OTUD7A: variants seen among roughly 807,000 people sequenced by gnomAD.
OTUD7A encodes the protein OTU deubiquitinase 7A.
In OTUD7A, 12 loss-of-function variants were observed where a neutral mutation model predicts 65.7. That is an observed-to-expected ratio of 0.18 (90% CI 0.12 to 0.30). The LOEUF is 0.30. Among genes scored for constraint, OTUD7A ranks in the 10% least tolerant of loss-of-function variants. The probability of loss-of-function intolerance (pLI) is 1.00; values close to 1 mark genes in which losing one functional copy is unlikely to be tolerated. For synonymous variants in OTUD7A, 641 were observed against 586.3 expected, an observed-to-expected ratio of 1.09 and a Z score of -1.35; for missense variants, 1,148 against 1,304.8, an observed-to-expected ratio of 0.88 and a Z score of 1.85.
At chr15:31,709,731 T>C (rs1025982827) in intron 1 of OTUD7A, among the ~76,000 whole-genome samples, 16 of 152,068 alleles carry the variant, frequency 1.1e-4, no homozygotes, top group African/African-American at 1.9e-4. Context: ...TGGTTCTATA[T>C]GCAGGCCTGC....
At position 31,532,933 on chromosome 15, in the gene OTUD7A, C is replaced by CAAAA. The variant is rs35993038; in HGVS notation, c.551-2129_551-2126dup. Among the ~76,000 whole-genome samples, 145 of 56,456 alleles carry CAAAA rather than the reference C, an allele frequency of 2.6e-3. 1 individual carries two copies. Among genetic ancestry groups the CAAAA allele is most frequent in the Non-Finnish European group, 5.9e-3 (130 of 21,898 alleles). The allele number at this position is 56,456 out of a possible 152,430, so 37.0% of individuals were successfully genotyped here. A position where few individuals can be genotyped will look rare whatever the true frequency, so the allele number is the denominator to read the frequency against. ...TGGGTGAAAGAGCGAGACTCCGTAT[C>CAAAA]AAAAAAAAAAAAAAAAAAAAAGTGT... On this transcript the variant is annotated intron_variant, in intron 5 of 12. Transcript: ENST00000307050.
intron 1 of OTUD7A, among the ~76,000 whole-genome samples, chr15:31,845,203 C>A (rs1478757978): frequency 6.6e-6 from 1 of 152,172 alleles, no homozygotes; most frequent in Non-Finnish European, 1.5e-5. Context: ...CCTCCCCAGG[C>A]ACTGGGCATC....
intron 1 of OTUD7A, among the ~76,000 whole-genome samples, chr15:31,820,373 T>G (rs1896648388): frequency 6.6e-6 from 1 of 152,236 alleles, no homozygotes; most frequent in Admixed American, 6.5e-5. Flanking sequence ...GCACTTCTCT[T>G]CAGGTTCCTT....
intron 1 of OTUD7A, among the ~76,000 whole-genome samples, chr15:31,795,176 C>G (rs565137970): frequency 6.6e-6 from 1 of 152,336 alleles, no homozygotes; most frequent in South Asian, 2.1e-4. Context: ...GTTACAGACT[C>G]AGTTCCTTTG....
Position 31,558,829 on chromosome 15 carries a change from C to T in OTUD7A, c.550+140G>A, listed in dbSNP as rs774917575. On this transcript the variant is annotated intron_variant, in intron 5 of 12. Coordinates refer to ENST00000307050, the MANE Select transcript of OTUD7A (RefSeq NM_001382637.1). ...CTGTCGGCCCGTAGAGCAGGAGGTG[C>T]GGTGCAGCATCTAGAATCCTAACTG... 16 of 870,464 alleles carry T rather than the reference C, an allele frequency of 1.8e-5. 1 individual carries two copies. Among genetic ancestry groups the T allele is most frequent in the East Asian group, 8.0e-5 (3 of 37,698 alleles). 53.9% of individuals were successfully genotyped at this position (870,464 alleles called of 1,614,324 possible).
At chr15:31,568,522 C>T (rs536919503) in intron 4 of OTUD7A, among the ~76,000 whole-genome samples, 14 of 152,318 alleles carry the variant, frequency 9.2e-5, no homozygotes, top group African/African-American at 3.4e-4. Context: ...AATGCTGGAA[C>T]AAGTCAAGAC....
chr15:31,768,882 T>C (rs547290276), intron 1 of OTUD7A, among the ~76,000 whole-genome samples: 1 of 151,502 alleles, frequency 6.6e-6, no homozygotes, highest in Admixed American at 6.6e-5. Context: ...AAAGAGAATA[T>C]AAAAACAGAA....
chr15:31,608,024 G>A (rs7176725), intron 3 of OTUD7A, among the ~76,000 whole-genome samples: 12,281 of 152,212 alleles, frequency 0.081, 1,191 homozygotes, highest in African/African-American at 0.24. Flanking sequence ...TGAGGCAGGC[G>A]GATCATGAGG....
Position 31,645,994 on chromosome 15 carries a change from C to T in OTUD7A, c.151+9102G>A, listed in dbSNP as rs558866897. Among the ~76,000 whole-genome samples, 9 of 152,338 alleles carry T rather than the reference C, an allele frequency of 5.9e-5. No homozygotes were observed. In the South Asian group the frequency reaches 6.2e-4, roughly 11 times the overall value. ...GGCTTAAGTGGGAGTTCTTAATATGCAGCAGCCTCCTCTTTCCTGCCTAAT... is the reference window on the plus strand; with the variant it reads ...GGCTTAAGTGGGAGTTCTTAATATGTAGCAGCCTCCTCTTTCCTGCCTAAT... On this transcript the variant is annotated intron_variant, in intron 3 of 12. Coordinates refer to ENST00000307050, the MANE Select transcript of OTUD7A (RefSeq NM_001382637.1).
chr15:31,610,722 C>T (rs1310709308), intron 3 of OTUD7A, among the ~76,000 whole-genome samples: 8 of 143,168 alleles, frequency 5.6e-5, no homozygotes, highest in South Asian at 4.5e-4. Flanking sequence ...CCCAGGTTCA[C>T]GCCATTCTCC....
chr15:31,810,119 G>A (rs189300577), intron 1 of OTUD7A, among the ~76,000 whole-genome samples: 22 of 152,316 alleles, frequency 1.4e-4, no homozygotes, highest in African/African-American at 5.3e-4. Flanking sequence ...CAGGCAGCTG[G>A]AGAAGGGCAG....
At chr15:31,829,361 C>T (rs1258556713) in intron 1 of OTUD7A, among the ~76,000 whole-genome samples, 1 of 152,192 alleles carries the variant, frequency 6.6e-6, no homozygotes, top group Non-Finnish European at 1.5e-5. Flanking sequence ...GATCTTTCAT[C>T]CATGCTGGTT....
rs1555388206 is a variant in OTUD7A, at chr15:31,479,666, G to GT, written c.*3627_*3628insA. ...ATAAGTTTGTGGACACTAAGTGGGGGGGGGGGGTGATGGGCCCATGACCCC... is the reference window on the plus strand; with the variant it reads ...ATAAGTTTGTGGACACTAAGTGGGGGTGGGGGGGTGATGGGCCCATGACCCC... On this transcript the variant is annotated 3_prime_UTR_variant, in exon 13 of 13. Transcript: ENST00000307050. 1.4e-5 allele frequency: 2 copies of GT among 147,544 alleles called. No homozygotes were observed. Among genetic ancestry groups the GT allele is most frequent in the Admixed American group, 6.8e-5 (1 of 14,750 alleles). 9.1% of individuals were successfully genotyped at this position (147,544 alleles called of 1,614,324 possible).
intron 1 of OTUD7A, among the ~76,000 whole-genome samples, chr15:31,851,584 C>T (rs1897426167): frequency 6.6e-6 from 1 of 152,158 alleles, no homozygotes. Flanking sequence ...TTTCCAAACA[C>T]CAGTTTATTT....
At chr15:31,719,270 C>A (rs1316553836) in intron 1 of OTUD7A, among the ~76,000 whole-genome samples, 3 of 151,962 alleles carry the variant, frequency 2.0e-5, no homozygotes, top group African/African-American at 7.3e-5. Flanking sequence ...ATCCCTCCTT[C>A]ATTGTTGGCT....
At chr15:31,537,660 G>A (rs1052940766) in intron 5 of OTUD7A, among the ~76,000 whole-genome samples, 2 of 152,194 alleles carry the variant, frequency 1.3e-5, no homozygotes, top group African/African-American at 4.8e-5. Flanking sequence ...GTAAAACTGG[G>A]TTGCCACAGA....
chr15:31,864,055 C>T (rs186204102), intron 1 of OTUD7A, among the ~76,000 whole-genome samples: 1 of 152,350 alleles, frequency 6.6e-6, no homozygotes, highest in East Asian at 1.9e-4. Context: ...TTCGCTAAAA[C>T]ATAACAAGAG....
chr15:31,547,784 A>G lies in OTUD7A; in HGVS notation c.550+11185T>C, dbSNP rs578136702. 8.2e-4 allele frequency among the ~76,000 whole-genome samples: 124 copies of G among 152,094 alleles called. 1 individual carries two copies. Among genetic ancestry groups the G allele is most frequent in the Admixed American group, 2.9e-3 (45 of 15,274 alleles). On this transcript the variant is annotated intron_variant, in intron 5 of 12. Coordinates refer to ENST00000307050, the MANE Select transcript of OTUD7A (RefSeq NM_001382637.1). ...AACCACCTATAACCATGTAGCCAAAACTTAAGTCATCCTGATTTCCCCGAG... is the reference window on the plus strand; with the variant it reads ...AACCACCTATAACCATGTAGCCAAAGCTTAAGTCATCCTGATTTCCCCGAG...
At chr15:31,678,894 A>G (rs922609099) in intron 1 of OTUD7A, among the ~76,000 whole-genome samples, 7 of 152,200 alleles carry the variant, frequency 4.6e-5, no homozygotes, top group Admixed American at 1.3e-4. Context: ...AGATCCACCA[A>G]CAGCTTGTAC....
Sources: allele counts gnomAD v4.1 joint callset (sites outside exome capture counted in the v4.1 genomes callset), GRCh38; gene constraint gnomAD v4.1.1; transcripts MANE v1.5; gene names NCBI Gene and HGNC (gene_info 2026-07-23, HGNC 2026-07-21).